Variants in MGAT4C observed in about 807,000 individuals in gnomAD.
MGAT4C encodes alpha-1,3-mannosyl-glycoprotein 4-beta-N-acetylglucosaminyltransferase C.
A neutral mutation model predicts 40.1 loss-of-function variants in MGAT4C; 19 were observed. The ratio of observed to expected loss-of-function variants is 0.47; its 90% CI spans 0.33 to 0.70. MGAT4C has a LOEUF of 0.70. Among genes scored for constraint, MGAT4C ranks in the 30% least tolerant of loss-of-function variants. The probability of loss-of-function intolerance (pLI) is 0.02; values close to 1 mark genes in which losing one functional copy is unlikely to be tolerated. For synonymous variants in MGAT4C, 181 were observed against 187.1 expected (o/e 0.97, Z 0.27); for missense variants, 491 against 563.2 (o/e 0.87, Z 1.30).
At position 86,053,189 on chromosome 12, in the gene MGAT4C, A is replaced by G. The variant is rs1381340293; in HGVS notation, c.-56-3466T>C. ...GTGACTTTTTTTTTTTAACATAAAT[A>G]TATACAAGAAGCTTTGGTGACTGGA... On this transcript the variant is annotated intron_variant, in intron 1 of 4. Transcript: ENST00000611864. Among the ~76,000 whole-genome samples the G allele has an allele frequency of 5.3e-5, 8 of 151,908 alleles. No individual in the cohort carries two copies. In the East Asian group the frequency reaches 1.6e-3, roughly 29 times the overall value.
At chr12:86,765,578 G>C (rs1262373295) in intron 1 of MGAT4C, among the ~76,000 whole-genome samples, 1 of 152,124 alleles carries the variant, frequency 6.6e-6, no homozygotes, top group Non-Finnish European at 1.5e-5. Flanking sequence ...ATTCACCAAA[G>C]TTGAAATGAA....
intron 1 of MGAT4C, among the ~76,000 whole-genome samples, chr12:86,156,869 G>C (rs1885004465): frequency 6.6e-6 from 1 of 152,040 alleles, no homozygotes; most frequent in South Asian, 2.1e-4. Context: ...TTTTCCACAA[G>C]AGCAAGATAA....
rs1441565624 is a variant in MGAT4C, at chr12:85,958,433, T to C, written c.*20856A>G. On this transcript the variant is annotated 3_prime_UTR_variant, in exon 5 of 5. Transcript: ENST00000611864. Reference sequence around the variant, plus strand: ...TACCTGTATCTCAAATTCATTTAACTTTTCAATGAATCAATCTTCTTATTT... The same window carrying C: ...TACCTGTATCTCAAATTCATTTAACCTTTCAATGAATCAATCTTCTTATTT... 2 of 152,128 alleles carry C rather than the reference T, an allele frequency of 1.3e-5. No homozygotes were observed. The highest frequency in any genetic ancestry group is 2.9e-5 in the Non-Finnish European group (2 of 68,028). 9.4% of individuals were successfully genotyped at this position (152,128 alleles called of 1,614,324 possible). A position where few individuals can be genotyped will look rare whatever the true frequency, so the allele number is the denominator to read the frequency against.
intron 3 of MGAT4C, among the ~76,000 whole-genome samples, chr12:86,355,772 A>G (rs1255408894): frequency 6.6e-6 from 1 of 152,180 alleles, no homozygotes; most frequent in African/African-American, 2.4e-5. Flanking sequence ...TTTTGAAACT[A>G]GATAAATATT....
intron 2 of MGAT4C, among the ~76,000 whole-genome samples, chr12:86,669,336 T>C (rs7968612): frequency 0.12 from 18,390 of 151,918 alleles, 1,847 homozygotes; most frequent in African/African-American, 0.28. Flanking sequence ...GCCCTCTCTG[T>C]CATAAGCCCA....
rs572709184 is a variant in MGAT4C at position 85,966,427 on chromosome 12, C to T, written c.*12862G>A. On this transcript the variant is annotated 3_prime_UTR_variant, in exon 5 of 5. Coordinates refer to ENST00000611864, the MANE Select transcript of MGAT4C (RefSeq NM_001351288.2). ...TCAAAGTTGTCTCTTTATCATTTGC[C>T]AGTGAAAATATAAAACCTGGCTGTT... 3.9e-5 allele frequency: 6 copies of T among 152,116 alleles called. No individual in the cohort carries two copies. Among genetic ancestry groups the T allele is most frequent in the African/African-American group, 1.4e-4 (6 of 41,486 alleles). 9.4% of individuals were successfully genotyped at this position (152,116 alleles called of 1,614,324 possible).
At chr12:86,536,867 G>A (rs1442304700) in intron 2 of MGAT4C, among the ~76,000 whole-genome samples, 2 of 152,054 alleles carry the variant, frequency 1.3e-5, no homozygotes, top group Non-Finnish European at 2.9e-5. Flanking sequence ...CCCATTACTG[G>A]GTATATACCC....
chr12:86,300,807 A>C, intron 4 of MGAT4C, among the ~76,000 whole-genome samples: 1 of 152,102 alleles, frequency 6.6e-6, no homozygotes, highest in East Asian at 1.9e-4. Context: ...TACTGCAAAA[A>C]ATAGCAAATC....
intron 1 of MGAT4C, among the ~76,000 whole-genome samples, chr12:86,068,927 G>C (rs1214608917): frequency 6.6e-6 from 1 of 152,012 alleles, no homozygotes; most frequent in Non-Finnish European, 1.5e-5. Context: ...TGTAAGAGTT[G>C]GTTGATAATA....
intron 3 of MGAT4C, among the ~76,000 whole-genome samples, chr12:86,426,922 G>C: frequency 6.6e-6 from 1 of 152,024 alleles, no homozygotes; most frequent in East Asian, 1.9e-4. Context: ...ACTCCAGCCT[G>C]GGCAACAGAG....
In MGAT4C at chr12:86,073,311, T is replaced by G. The variant is rs1348782659; in HGVS notation, c.-56-23588A>C. Among the ~76,000 whole-genome samples, 3 of 152,096 alleles carry G rather than the reference T, an allele frequency of 2.0e-5. No homozygotes were observed. In the South Asian group the frequency reaches 6.2e-4, roughly 31 times the overall value. ...CATTAAATATATTTTTCTTTATAAA[T>G]TACCCCGTCTTGGGTATGTCTTTAT... On this transcript the variant is annotated intron_variant, in intron 1 of 4. Transcript: ENST00000611864.
chr12:86,798,388 T>A (rs1489195384), intron 1 of MGAT4C, among the ~76,000 whole-genome samples: 1 of 151,970 alleles, frequency 6.6e-6, no homozygotes, highest in African/African-American at 2.4e-5. Context: ...TGTTCTAGAT[T>A]AATATCTGGA....
In MGAT4C at chr12:86,274,111, C is replaced by T. The variant is rs566118917; in HGVS notation, c.-57+59954G>A. Among the ~76,000 whole-genome samples, 3 of 152,044 alleles carry T rather than the reference C, an allele frequency of 2.0e-5. No individual in the cohort carries two copies. In the South Asian group the frequency reaches 6.2e-4, roughly 32 times the overall value. Reference sequence around the variant, plus strand: ...TTGTCTTACACAGCAGGAGAAGGAGCAACAAAGAGAGTGAGGGAAGAGGTG... The same window carrying T: ...TTGTCTTACACAGCAGGAGAAGGAGTAACAAAGAGAGTGAGGGAAGAGGTG... On this transcript the variant is annotated intron_variant, in intron 4 of 7. Transcript: ENST00000548651.
At chr12:86,104,383 T>C (rs1024993257) in intron 1 of MGAT4C, among the ~76,000 whole-genome samples, 3 of 151,962 alleles carry the variant, frequency 2.0e-5, no homozygotes, top group Admixed American at 6.6e-5. Flanking sequence ...GAGGTTACAG[T>C]GAGCCGAGAT....
At chr12:86,443,596 T>TTTTG (rs965489902) in intron 2 of MGAT4C, among the ~76,000 whole-genome samples, 1 of 152,060 alleles carries the variant, frequency 6.6e-6, no homozygotes, top group African/African-American at 2.4e-5. Flanking sequence ...TTGTTGTTGT[T>TTTTG]TTTGTTTGTT....
In MGAT4C at chr12:85,989,326, G is replaced by C. The variant is rs2136716919; in HGVS notation, c.147+74C>G. On this transcript the variant is annotated intron_variant, in intron 3 of 4. Coordinates refer to ENST00000611864, the MANE Select transcript of MGAT4C (RefSeq NM_001351288.2). ...CTCCAATAGCTTGAGATTGAAGTTA[G>C]GCTACAATGGGACTAATTCTTGTTT... is the stretch of plus-strand genomic sequence containing the variant. 3.0e-6 allele frequency: 4 copies of C among 1,355,504 alleles called. No homozygotes were observed. The South Asian group carries it at 7.1e-5, about 24-fold the overall frequency. 84.0% of individuals were successfully genotyped at this position (1,355,504 alleles called of 1,614,324 possible).
chr12:86,796,143 G>GTTT (rs34706902), intron 1 of MGAT4C, among the ~76,000 whole-genome samples: 10 of 143,476 alleles, frequency 7.0e-5, no homozygotes, highest in Non-Finnish European at 9.2e-5. Context: ...TCTGTGACTT[G>GTTT]TTTTTTTTTT....
chr12:86,049,484 A>G (rs1892701647), intron 2 of MGAT4C, among the ~76,000 whole-genome samples, 190 bp downstream of exon 2: 1 of 152,124 alleles, frequency 6.6e-6, no homozygotes, highest in South Asian at 2.1e-4. Flanking sequence ...AGAAATGTTC[A>G]AGAAATGTTG....
chr12:86,711,390 T>C (rs1402072515), intron 2 of MGAT4C, among the ~76,000 whole-genome samples: 1 of 151,912 alleles, frequency 6.6e-6, no homozygotes, highest in Non-Finnish European at 1.5e-5. Flanking sequence ...GAACCAACAC[T>C]CATATTTACG....
Sources: allele counts gnomAD v4.1 joint callset (sites outside exome capture counted in the v4.1 genomes callset), GRCh38; gene constraint gnomAD v4.1.1; transcripts MANE v1.5; gene names NCBI Gene and HGNC (gene_info 2026-07-23, HGNC 2026-07-21).